The following NLRP9 variants were observed in gnomAD, a reference collection of about 807,000 sequenced individuals.
NLRP9 encodes NLR family pyrin domain containing 9.
In NLRP9, 88 loss-of-function variants were observed where a neutral mutation model predicts 83.1. That is an observed-to-expected ratio of 1.06 (90% CI 0.89 to 1.26). The LOEUF (loss-of-function observed/expected upper bound fraction) is 1.26, where lower values mean the gene tolerates loss of function less well. NLRP9 is among the 50% of genes most tolerant of loss of function. NLRP9 has a pLI of 0.00. For missense variants in NLRP9, 1,308 were observed against 1,179.3 expected (o/e 1.11, Z -1.60); for synonymous variants, 521 against 447.6 (o/e 1.16, Z -2.07).
In NLRP9 at chr19:55,732,935, C is replaced by G. The variant is rs774048425; in HGVS notation, c.896G>C (p.Ser299Thr). Residue 299 changes from serine to threonine, a missense_variant, in exon 2 of 9, where the codon AGT (serine) becomes ACT (threonine). Transcript: ENST00000332836. Reference protein sequence around the residue: ...HPKLIKLLGFSESEKKSYFSY... With the variant: ...HPKLIKLLGFTESEKKSYFSY... ...GAAATACGACTTCTTTTCAGATTCA[C>G]TGAATCCTAAGAGCTTTATGAGTTT... 1.9e-6 allele frequency: 3 copies of G among 1,614,096 alleles called. No homozygotes were observed. In the East Asian group the frequency reaches 6.7e-5, roughly 36 times the overall value.
chr19:55,729,057 T>C (rs868409512), intron 3 of NLRP9, among the ~76,000 whole-genome samples: 124 of 139,292 alleles, frequency 8.9e-4, no homozygotes, highest in Admixed American at 3.7e-3. Flanking sequence ...TTTCTTTTTT[T>C]TTTTTTTTTT....
rs756702515 is a variant in NLRP9, at chr19:55,733,525, A to G, written c.306T>C (p.His102=). Residue 102 remains histidine (H), a synonymous_variant, in exon 2 of 9, where the codon CAT becomes CAC. Transcript: ENST00000332836. The stretch of plus-strand genomic sequence containing the variant: ...ATATGAGTTGAAATGTTTCCTTCAT[A>G]TGCTTTCTGTATGGGTTTAGCTTAT... ...MRNKLNPYRK[H]MKETFQLIWE... is the part of the protein sequence containing the mutation. 2 of 1,598,530 alleles carry G rather than the reference A, an allele frequency of 1.3e-6. No individual in the cohort carries two copies. The highest frequency in any genetic ancestry group is 1.3e-5 in the African/African-American group (1 of 74,292).
At chr19:55,738,039 A>G in intron 1 of NLRP9, 56 bp downstream of exon 1, 1 of 1,547,828 alleles carries the variant, frequency 6.5e-7, no homozygotes, top group Non-Finnish European at 8.9e-7. Context: ...TAACAATGCT[A>G]TCACCTTGTT....
intron 1 of NLRP9, 81 bp from the exon 2 acceptor site, chr19:55,733,631 A>G: frequency 1.1e-6 from 1 of 879,272 alleles, no homozygotes; most frequent in Non-Finnish European, 1.8e-6. Context: ...AACCAAAAAT[A>G]AAATTCTAAT....
In NLRP9 at chr19:55,732,507, C is replaced by A; in HGVS notation, c.1324G>T (p.Ala442Ser). The change falls in exon 2 of 9, where the codon GCC becomes TCC. Residue 442 changes from alanine (A) to serine (S), a missense_variant. By Grantham distance (99) the Ala-to-Ser change is moderately conservative. Transcript: ENST00000332836. ...RLLQRRGDCF[A>S]FMHLCIQEFC... Reference sequence around the variant, plus strand: ...TCTTGGATACACAGATGCATGAAGGCAAAACAGTCCCCTCTCCTTTGGAGG... The same window carrying A: ...TCTTGGATACACAGATGCATGAAGGAAAAACAGTCCCCTCTCCTTTGGAGG... 6.2e-7 allele frequency: 1 copy of A among 1,614,216 alleles called. No individual in the cohort carries two copies.
At chr19:55,730,022 A>T (rs769365878) in intron 2 of NLRP9, 30 bp from the exon 3 acceptor site, 1 of 1,597,706 alleles carries the variant, frequency 6.3e-7, no homozygotes. Context: ...GTGATTCTCC[A>T]GTGGCTAAAC....
At position 55,729,055 on chromosome 19, in the gene NLRP9, T is replaced by C. The variant is rs1043209312; in HGVS notation, c.1994+776A>G. On this transcript the variant is annotated intron_variant, in intron 3 of 8. Transcript: ENST00000332836. ...CTTATCTTATTTTTCTTTTTCTTTT[T>C]TTTTTTTTTTTTTTTTTTACAAATT... 9.1e-4 allele frequency among the ~76,000 whole-genome samples: 127 copies of C among 139,024 alleles called. 2 individuals are homozygous for C. In the East Asian group the frequency reaches 0.022, roughly 24 times the overall value. The allele number at this position is 139,024 out of a possible 152,430, so 91.2% of individuals were successfully genotyped here. A position where few individuals can be genotyped will look rare whatever the true frequency, so the allele number is the denominator to read the frequency against.
At chr19:55,727,965 A>G (rs2033763966) in intron 3 of NLRP9, among the ~76,000 whole-genome samples, 2 of 152,180 alleles carry the variant, frequency 1.3e-5, no homozygotes, top group Non-Finnish European at 2.9e-5. Context: ...CATAGGAAAA[A>G]TCCAGAGAAA....
Position 55,715,142 on chromosome 19 carries a change from T to A in NLRP9, c.2414A>T (p.Asp805Val), listed in dbSNP as rs1437831214. 6.2e-7 allele frequency: 1 copy of A among 1,613,136 alleles called. No homozygotes were observed. The highest frequency in any genetic ancestry group is 8.5e-7 in the Non-Finnish European group (1 of 1,179,904). Residue 805 changes from aspartate (D) to valine (V), a missense_variant, in exon 6 of 9, where the codon GAT becomes GTT. Transcript: ENST00000332836. ...LLCSKSLSLL[D>V]LGSNALEDNG... Reference sequence around the variant, plus strand: ...ATCTTCCAGGGCATTTGAGCCCAGATCGAGGAGGGACAGGGACTTACTGCA... The same window carrying A: ...ATCTTCCAGGGCATTTGAGCCCAGAACGAGGAGGGACAGGGACTTACTGCA...
chr19:55,709,003 A>G lies in NLRP9; in HGVS notation c.2885T>C (p.Leu962Pro). The change falls in exon 9 of 9, where the codon CTG (leucine) becomes CCG (proline). Residue 962 changes from leucine (L) to proline (P), a missense_variant. Leu to Pro is a moderately conservative substitution (Grantham distance 98). Transcript: ENST00000332836. Reference protein sequence around the residue: ...SGFDEETQKILMSVEEKIPHL... With the variant: ...SGFDEETQKIPMSVEEKIPHL... Reference sequence around the variant, plus strand: ...GGGAATTTTTTCTTCCACAGACATCAGGATCTTCTGAGTTTCTTCATCAAA... The same window carrying G: ...GGGAATTTTTTCTTCCACAGACATCGGGATCTTCTGAGTTTCTTCATCAAA... The G allele has an allele frequency of 1.3e-6, 2 of 1,588,900 alleles. No individual in the cohort carries two copies. The highest frequency in any genetic ancestry group is 1.2e-5 in the South Asian group (1 of 85,364).
At chr19:55,721,651 T>C (rs996368541) in intron 4 of NLRP9, among the ~76,000 whole-genome samples, 13 of 152,146 alleles carry the variant, frequency 8.5e-5, no homozygotes, top group African/African-American at 2.9e-4. Context: ...TCCTTGGTGA[T>C]ATGGTTTGGC....
chr19:55,717,446 G>A (rs181555309), intron 4 of NLRP9, among the ~76,000 whole-genome samples: 1 of 152,292 alleles, frequency 6.6e-6, no homozygotes, highest in Non-Finnish European at 1.5e-5. Context: ...ACCACCTGGG[G>A]TGATTTGCCC....
At position 55,712,427 on chromosome 19, in the gene NLRP9, ACT is replaced by A. The variant is rs757675159; in HGVS notation, c.2663_2664del (p.Glu888ValfsTer40). ...AALQHPHCKL[E>X]CLGLQTCPIT... Reference sequence around the variant, plus strand: ...TGATCAGTAGATACTCACCCGAGACACTCTAATTTACAGTGAGGATGCTGCAA... The same window carrying A: ...TGATCAGTAGATACTCACCCGAGACACTAATTTACAGTGAGGATGCTGCAA... On this transcript the variant is annotated frameshift_variant, in exon 7 of 9. Transcript: ENST00000332836. LOFTEE classifies it high-confidence loss of function. The A allele has an allele frequency of 4.3e-6, 7 of 1,612,138 alleles. No homozygotes were observed. The highest frequency in any genetic ancestry group is 1.7e-5 in the Admixed American group (1 of 59,962).
In NLRP9 at chr19:55,716,714, G is replaced by A. The variant is rs372481705; in HGVS notation, c.2330+14C>T. 2.1e-5 allele frequency: 33 copies of A among 1,609,160 alleles called. No individual in the cohort carries two copies. In the African/African-American group the frequency reaches 2.1e-4, roughly 10 times the overall value. The stretch of plus-strand genomic sequence containing the variant: ...TCAGAAATCTCCGAACGTGCTTCCC[G>A]CAGACCAACTTACATCAGCCTCTCC... On this transcript the variant is annotated intron_variant, in intron 5 of 8. Coordinates refer to ENST00000332836, the MANE Select transcript of NLRP9 (RefSeq NM_176820.4).
intron 1 of NLRP9, among the ~76,000 whole-genome samples, 170 bp downstream of exon 1, chr19:55,737,925 C>T (rs1281807119): frequency 2.6e-5 from 4 of 151,996 alleles, no homozygotes; most frequent in Admixed American, 6.6e-5. Context: ...CCCAGTTCAT[C>T]GCTGGCCCAC....
chr19:55,724,779 A>T (rs562243758), intron 3 of NLRP9, among the ~76,000 whole-genome samples: 1 of 152,270 alleles, frequency 6.6e-6, no homozygotes, highest in Admixed American at 6.5e-5. Context: ...AGAAATTAAC[A>T]TTTAAGGCCA....
At position 55,738,268 on chromosome 19, in the gene NLRP9, T is replaced by C. The variant is rs1352307071; in HGVS notation, c.107A>G (p.Lys36Arg). 1.2e-6 allele frequency: 2 copies of C among 1,614,018 alleles called. No homozygotes were observed. Among genetic ancestry groups the C allele is most frequent in the Non-Finnish European group, 1.7e-6 (2 of 1,180,034 alleles). Reference protein sequence around the residue: ...FKELLKQPLEKFELKPIPWAE... With the variant: ...FKELLKQPLERFELKPIPWAE... ...CCAGGGGATTGGCTTGAGTTCAAAT[T>C]TCTCCAAAGGTTGTTTGAGGAGCTC... The change falls in exon 1 of 9, where the codon AAA (lysine) becomes AGA (arginine). Residue 36 changes from lysine (K) to arginine (R), a missense_variant. Lys to Arg is a conservative substitution (Grantham distance 26). Coordinates refer to ENST00000332836, the MANE Select transcript of NLRP9 (RefSeq NM_176820.4).
intron 8 of NLRP9, chr19:55,709,537 G>A (rs909943729): frequency 1.3e-5 from 2 of 152,202 alleles, no homozygotes; most frequent in Non-Finnish European, 2.9e-5. Context: ...CCATAAATAT[G>A]TCAAACGTTC....
intron 8 of NLRP9, chr19:55,709,277 C>A (rs1987600248): frequency 3.5e-6 from 1 of 287,632 alleles, no homozygotes; most frequent in Non-Finnish European, 6.4e-6. Flanking sequence ...AGATTTAATT[C>A]AAAAAAGATG....
Sources: gnomAD v4.1 joint callset for allele counts (sites outside exome capture counted in the v4.1 genomes callset) on GRCh38, gnomAD v4.1.1 for gene constraint, MANE v1.5 for transcripts, NCBI Gene and HGNC (gene_info 2026-07-23, HGNC 2026-07-21) for gene names.